The following PPM1B variants were observed in gnomAD, a reference collection of about 807,000 sequenced individuals.
PPM1B encodes protein phosphatase, Mg2+/Mn2+ dependent 1B.
In PPM1B, 22 loss-of-function variants were observed where a neutral mutation model predicts 43.0. The ratio of observed to expected loss-of-function variants is 0.51; its 90% CI spans 0.37 to 0.73. The LOEUF is 0.73. Among genes scored for constraint, PPM1B ranks in the 30% least tolerant of loss-of-function variants. The pLI, the probability that PPM1B is intolerant of heterozygous loss-of-function variation, is 0.00. For synonymous variants in PPM1B, 217 were observed against 197.9 expected (o/e 1.10, Z -0.81); for missense variants, 632 against 584.2 (o/e 1.08, Z -0.84).
chr2:44,230,045 C>G (rs960258664), intron 5 of PPM1B: 1 of 1,573,196 alleles, frequency 6.4e-7, no homozygotes, highest in South Asian at 1.2e-5. Flanking sequence ...CCTTTTCCTA[C>G]TGCTTTAAAC....
At chr2:44,242,223 C>G (rs1423102046) in intron 5 of PPM1B, among the ~76,000 whole-genome samples, 1 of 151,910 alleles carries the variant, frequency 6.6e-6, no homozygotes, top group Non-Finnish European at 1.5e-5. Context: ...TTTTTCTTAA[C>G]ATATAAAAGA....
At chr2:44,240,664 A>G (rs1381396202) in intron 5 of PPM1B, among the ~76,000 whole-genome samples, 3 of 146,226 alleles carry the variant, frequency 2.1e-5, no homozygotes, top group Non-Finnish European at 3.1e-5. Context: ...ATGATATGTG[A>G]ATTCCTGGGC....
chr2:44,211,176 C>G (rs1669449150), intron 3 of PPM1B, among the ~76,000 whole-genome samples: 1 of 152,114 alleles, frequency 6.6e-6, no homozygotes, highest in Non-Finnish European at 1.5e-5. Flanking sequence ...TACAATATTA[C>G]TTTGTAATCC....
At position 44,205,608 on chromosome 2, in the gene PPM1B, A is replaced by G. The variant is rs552192700; in HGVS notation, c.846+3563A>G. Among the ~76,000 whole-genome samples, 34 of 152,274 alleles carry G rather than the reference A, an allele frequency of 2.2e-4. No homozygotes were observed. The South Asian group carries it at 6.8e-3, about 31-fold the overall frequency. ...ATTGATAGAAATGTATAAACGTAAA[A>G]TAGGATTTTTTCTTTTTTTGTATTT... On this transcript the variant is annotated intron_variant, in intron 2 of 5. Coordinates refer to ENST00000282412, the MANE Select transcript of PPM1B (RefSeq NM_002706.6).
downstream of PPM1B, among the ~76,000 whole-genome samples, chr2:44,238,232 C>A (rs1279444017): frequency 2.0e-5 from 3 of 151,878 alleles, no homozygotes; most frequent in Non-Finnish European, 4.4e-5. Flanking sequence ...ACAATTAATT[C>A]CACAGTGACA....
At chr2:44,235,281 T>A (rs528301029), downstream of PPM1B, among the ~76,000 whole-genome samples, 1 of 152,362 alleles carries the variant, frequency 6.6e-6, no homozygotes, top group Admixed American at 6.5e-5. Flanking sequence ...TTCTTCTAAA[T>A]ATTGATCCGT....
intron 1 of PPM1B, among the ~76,000 whole-genome samples, chr2:44,189,916 T>C (rs1668322855): frequency 6.6e-6 from 1 of 152,214 alleles, no homozygotes; most frequent in Non-Finnish European, 1.5e-5. Context: ...ATTTTTCCTT[T>C]ACTAACATTT....
intron 2 of PPM1B, among the ~76,000 whole-genome samples, chr2:44,206,519 T>A (rs1419772974): frequency 6.6e-6 from 1 of 152,196 alleles, no homozygotes; most frequent in African/African-American, 2.4e-5. Context: ...TTATTGGAAC[T>A]CTCTTTCAAT....
chr2:44,183,510 G>A (rs1275310962), intron 1 of PPM1B, among the ~76,000 whole-genome samples: 1 of 152,198 alleles, frequency 6.6e-6, no homozygotes, highest in Non-Finnish European at 1.5e-5. Flanking sequence ...AAGTTGTTAG[G>A]TAGGCCTGAA....
chr2:44,208,980 A>G (rs952130856), intron 2 of PPM1B, among the ~76,000 whole-genome samples: 1 of 152,228 alleles, frequency 6.6e-6, no homozygotes, highest in South Asian at 2.1e-4. Flanking sequence ...GCTGTGGGTA[A>G]TAATAGTTCA....
intron 1 of PPM1B, among the ~76,000 whole-genome samples, chr2:44,179,443 C>G (rs1053118102): frequency 2.6e-5 from 4 of 152,138 alleles, no homozygotes; most frequent in Admixed American, 2.0e-4. Flanking sequence ...TACCAAACAG[C>G]AAAGCTCTGT....
At chr2:44,178,046 T>TA (rs540152402) in intron 1 of PPM1B, among the ~76,000 whole-genome samples, 17 of 150,574 alleles carry the variant, frequency 1.1e-4, no homozygotes, top group Non-Finnish European at 2.4e-4. Context: ...GCCTCCCAAA[T>TA]ACCTGGAACT....
At chr2:44,172,859 A>G (rs555039490) in intron 1 of PPM1B, among the ~76,000 whole-genome samples, 1 of 152,318 alleles carries the variant, frequency 6.6e-6, no homozygotes, top group Non-Finnish European at 1.5e-5. Flanking sequence ...GCGAGCTGTG[A>G]TTGCACCAGT....
chr2:44,220,183 A>G (rs1669909043), intron 5 of PPM1B, among the ~76,000 whole-genome samples: 1 of 151,820 alleles, frequency 6.6e-6, no homozygotes, highest in Non-Finnish European at 1.5e-5. Context: ...ACAGTTATTG[A>G]TTCATTATTA....
At chr2:44,239,010 C>T (rs371129432), downstream of PPM1B, among the ~76,000 whole-genome samples, 7 of 150,844 alleles carry the variant, frequency 4.6e-5, no homozygotes, top group African/African-American at 1.7e-4. Context: ...AGGAGGAAAA[C>T]AAACAAAACA....
At chr2:44,246,490 G>T (rs558322440), downstream of PPM1B, among the ~76,000 whole-genome samples, 9 of 152,150 alleles carry the variant, frequency 5.9e-5, no homozygotes, top group Non-Finnish European at 1.3e-4. Context: ...ACAGGTCCAA[G>T]TACTGAGGCC....
intron 2 of PPM1B, among the ~76,000 whole-genome samples, chr2:44,208,593 A>G (rs1263753509): frequency 1.3e-5 from 2 of 152,132 alleles, no homozygotes; most frequent in African/African-American, 2.4e-5. Flanking sequence ...GTCACCTGTA[A>G]TGCCAGCTAC....
chr2:44,232,418 A>G (rs1426377820), downstream of PPM1B: 16 of 1,586,416 alleles, frequency 1.0e-5, no homozygotes, highest in African/African-American at 2.7e-5. Flanking sequence ...ATTTTCTTCA[A>G]TACAAGGGGA....
downstream of PPM1B, chr2:44,244,543 G>C (rs1300444722): frequency 3.8e-6 from 1 of 260,392 alleles, no homozygotes; most frequent in Non-Finnish European, 6.0e-6. Context: ...GACTCTTATG[G>C]TTAAAGGCAG....
Sources: gnomAD v4.1 joint callset for allele counts (sites outside exome capture counted in the v4.1 genomes callset) on GRCh38, gnomAD v4.1.1 for gene constraint, MANE v1.5 for transcripts, NCBI Gene and HGNC (gene_info 2026-07-23, HGNC 2026-07-21) for gene names.